Variants in SGCD observed in about 807,000 individuals in gnomAD.
SGCD encodes the protein sarcoglycan delta.
In SGCD, 18 loss-of-function variants were observed where a neutral mutation model predicts 36.6. The ratio of observed to expected loss-of-function variants is 0.49; its 90% confidence interval spans 0.34 to 0.73. SGCD has a LOEUF of 0.73. Among genes scored for constraint, SGCD ranks in the 30% least tolerant of loss-of-function variants. The pLI is 0.01. For missense variants in SGCD, 387 were observed against 346.7 expected (o/e 1.12, Z -0.92); for synonymous variants, 133 against 130.6 (o/e 1.02, Z -0.12).
intron 3 of SGCD, among the ~76,000 whole-genome samples, chr5:156,236,993 C>T (rs1453366374): frequency 4.0e-5 from 6 of 151,764 alleles, no homozygotes; most frequent in Admixed American, 2.0e-4. Flanking sequence ...ACCACCATGC[C>T]GGACTAACTT....
intron 1 of SGCD, among the ~76,000 whole-genome samples, chr5:155,871,116 C>A (rs1286376665): frequency 6.6e-6 from 1 of 152,028 alleles, no homozygotes; most frequent in Non-Finnish European, 1.5e-5. Flanking sequence ...GAGGACCCAA[C>A]AGAGGCATTT....
chr5:156,175,014 G>A (rs1429454790), intron 3 of SGCD, among the ~76,000 whole-genome samples: 2 of 152,160 alleles, frequency 1.3e-5, no homozygotes, highest in African/African-American at 4.8e-5. Flanking sequence ...TACTAGGAGA[G>A]ATAAATGAGT....
intron 3 of SGCD, among the ~76,000 whole-genome samples, chr5:156,432,818 A>T (rs1480340380): frequency 6.6e-6 from 1 of 152,178 alleles, no homozygotes; most frequent in Non-Finnish European, 1.5e-5. Flanking sequence ...ACAGTGCCCT[A>T]TTAACAGCAA....
At chr5:156,737,408 A>G (rs1756430586) in intron 7 of SGCD, among the ~76,000 whole-genome samples, 1 of 152,214 alleles carries the variant, frequency 6.6e-6, no homozygotes, top group Admixed American at 6.5e-5. Context: ...TCTTCCTACA[A>G]TGTTTTATTT....
chr5:155,762,273 A>G, the SGCD span, among the ~76,000 whole-genome samples: 7 of 152,170 alleles, frequency 4.6e-5, no homozygotes, highest in Admixed American at 4.6e-4. Context: ...GACAAATCAC[A>G]ATTGGAATTT....
intron 3 of SGCD, among the ~76,000 whole-genome samples, chr5:156,163,946 C>T (rs1004335221): frequency 4.0e-5 from 6 of 150,154 alleles, no homozygotes; most frequent in Admixed American, 3.3e-4. Context: ...TGGTGTGAAC[C>T]CAGGAGGTGG....
intron 3 of SGCD, among the ~76,000 whole-genome samples, chr5:156,159,478 A>AAAAAC (rs1415308479): frequency 2.0e-5 from 3 of 151,602 alleles, no homozygotes; most frequent in African/African-American, 7.3e-5. Flanking sequence ...CACTCATAAA[A>AAAAAC]AAAACAAAAC....
At chr5:156,092,438 C>T (rs1226807495) in intron 1 of SGCD, among the ~76,000 whole-genome samples, 1 of 152,162 alleles carries the variant, frequency 6.6e-6, no homozygotes, top group African/African-American at 2.4e-5. Flanking sequence ...ATTGGTAAGT[C>T]ATCTACATAT....
intron 3 of SGCD, among the ~76,000 whole-genome samples, chr5:156,162,919 A>C (rs1462375660): frequency 6.6e-6 from 1 of 151,460 alleles, no homozygotes; most frequent in Non-Finnish European, 1.5e-5. Flanking sequence ...CAAGGCAGCC[A>C]TTTATCTTCA....
intron 3 of SGCD, among the ~76,000 whole-genome samples, chr5:156,298,757 G>A (rs1285482505): frequency 6.6e-6 from 1 of 151,592 alleles, no homozygotes; most frequent in Non-Finnish European, 1.5e-5. Context: ...TTTGAGAAAT[G>A]TCTATTCAGA....
At chr5:156,575,922 G>A (rs1466881596) in intron 4 of SGCD, among the ~76,000 whole-genome samples, 1 of 152,000 alleles carries the variant, frequency 6.6e-6, no homozygotes, top group Admixed American at 6.6e-5. Context: ...ATAAAAATTT[G>A]GGAGCTCAAA....
chr5:156,623,702 A>C, intron 6 of SGCD, among the ~76,000 whole-genome samples: 1 of 152,224 alleles, frequency 6.6e-6, no homozygotes, highest in South Asian at 2.1e-4. Flanking sequence ...TAAACAAAGG[A>C]AAGAGCCGAT....
At chr5:155,833,077 A>G in the SGCD span, among the ~76,000 whole-genome samples, 1 of 151,500 alleles carries the variant, frequency 6.6e-6, no homozygotes, top group Non-Finnish European at 1.5e-5. Flanking sequence ...AAAAAGAAAA[A>G]AAATTAGCCA....
At chr5:155,840,314 G>C in the SGCD span, among the ~76,000 whole-genome samples, 2 of 150,724 alleles carry the variant, frequency 1.3e-5, no homozygotes, top group African/African-American at 4.9e-5. Context: ...CGTGATCTCG[G>C]CTCACTGCAA....
chr5:156,674,199 A>G (rs1277073746), intron 7 of SGCD, among the ~76,000 whole-genome samples: 1 of 152,242 alleles, frequency 6.6e-6, no homozygotes, highest in African/African-American at 2.4e-5. Flanking sequence ...CACTTTTGGC[A>G]TTTGAAAAGC....
At chr5:155,877,735 T>G (rs1292682732) in intron 1 of SGCD, among the ~76,000 whole-genome samples, 1 of 152,088 alleles carries the variant, frequency 6.6e-6, no homozygotes, top group Non-Finnish European at 1.5e-5. Flanking sequence ...ATCAAAGTTT[T>G]ATGTGAATAA....
At chr5:156,574,642 A>G (rs1759853092) in intron 4 of SGCD, among the ~76,000 whole-genome samples, 1 of 152,052 alleles carries the variant, frequency 6.6e-6, no homozygotes. Flanking sequence ...TCCCTGTGTT[A>G]TTCTGATTTT....
At chr5:156,114,862 C>T (rs575085221) in intron 1 of SGCD, among the ~76,000 whole-genome samples, 33 of 151,710 alleles carry the variant, frequency 2.2e-4, no homozygotes, top group Admixed American at 1.2e-3. Context: ...TTTTGCGTTG[C>T]GTGACACACT....
At chr5:155,918,242 T>A (rs977093432) in intron 1 of SGCD, among the ~76,000 whole-genome samples, 2 of 152,164 alleles carry the variant, frequency 1.3e-5, no homozygotes, top group African/African-American at 4.8e-5. Context: ...AATCCATAAA[T>A]GAAGATCACC....
Sources: allele counts gnomAD v4.1 joint callset (sites outside exome capture counted in the v4.1 genomes callset), GRCh38; gene constraint gnomAD v4.1.1; transcripts MANE v1.5; gene names NCBI Gene and HGNC (gene_info 2026-07-23, HGNC 2026-07-21).